BMPR2: variants seen among roughly 807,000 people sequenced by gnomAD.
BMPR2 encodes bone morphogenetic protein receptor type 2, also known as bone morphogenetic protein receptor type-2.
A neutral mutation model predicts 100.8 loss-of-function variants in BMPR2; 29 were observed. That is an observed-to-expected ratio of 0.29 (90% CI 0.21 to 0.39). The LOEUF (loss-of-function observed/expected upper bound fraction) is 0.39, where lower values mean the gene tolerates loss of function less well. BMPR2 is among the 10% of genes least tolerant of loss of function. BMPR2 has a pLI of 1.00. For synonymous variants in BMPR2, 382 were observed against 442.3 expected (o/e 0.86, Z 1.71); for missense variants, 1,011 against 1,274.5 (o/e 0.79, Z 3.15).
intron 3 of BMPR2, among the ~76,000 whole-genome samples, chr2:202,490,268 G>T (rs557531602): frequency 1.3e-5 from 2 of 152,072 alleles, no homozygotes; most frequent in African/African-American, 2.4e-5. Context: ...TTATAGGGAA[G>T]TGACAATTTT....
chr2:202,444,506 T>C (rs1691812233), intron 1 of BMPR2, among the ~76,000 whole-genome samples: 1 of 150,640 alleles, frequency 6.6e-6, no homozygotes, highest in Admixed American at 6.6e-5. Context: ...TTTTTTGTGT[T>C]GGTGTTGGTG....
At chr2:202,498,613 G>T (rs573009578) in intron 3 of BMPR2, among the ~76,000 whole-genome samples, 1 of 152,188 alleles carries the variant, frequency 6.6e-6, no homozygotes, top group African/African-American at 2.4e-5. Context: ...CCAAAACCAC[G>T]GGCGGTTTTG....
intron 3 of BMPR2, among the ~76,000 whole-genome samples, chr2:202,494,530 CTGTT>C (rs1692978482): frequency 6.6e-6 from 1 of 152,206 alleles, no homozygotes; most frequent in South Asian, 2.1e-4. Context: ...GGTTCCCTGT[CTGTT>C]CTGCATTCAG....
At chr2:202,384,076 G>A (rs1690364204) in intron 1 of BMPR2, among the ~76,000 whole-genome samples, 1 of 152,144 alleles carries the variant, frequency 6.6e-6, no homozygotes, top group Non-Finnish European at 1.5e-5. Flanking sequence ...GGAGGCTGAG[G>A]CAGGAGAATC....
At chr2:202,428,058 G>T (rs1385128647) in intron 1 of BMPR2, among the ~76,000 whole-genome samples, 3 of 151,988 alleles carry the variant, frequency 2.0e-5, no homozygotes, top group African/African-American at 7.3e-5. Flanking sequence ...TTACAGTTCC[G>T]CATTCAGTGT....
intron 10 of BMPR2, among the ~76,000 whole-genome samples, chr2:202,545,969 C>T (rs1299069997): frequency 6.6e-6 from 1 of 152,180 alleles, no homozygotes; most frequent in Non-Finnish European, 1.5e-5. Flanking sequence ...ACAACTTCAT[C>T]TTCCTTAAAT....
chr2:202,403,758 G>A (rs1690820817), intron 1 of BMPR2, among the ~76,000 whole-genome samples: 1 of 152,132 alleles, frequency 6.6e-6, no homozygotes, highest in African/African-American at 2.4e-5. Context: ...TATAATCCCA[G>A]CACTTTTGGA....
chr2:202,462,334 C>T (rs930179633), intron 1 of BMPR2, among the ~76,000 whole-genome samples: 3 of 151,422 alleles, frequency 2.0e-5, no homozygotes, highest in African/African-American at 7.3e-5. Context: ...GATTCTCCTG[C>T]CTCAGCCTTC....
At chr2:202,387,792 A>C (rs1690459890) in intron 1 of BMPR2, among the ~76,000 whole-genome samples, 1 of 152,170 alleles carries the variant, frequency 6.6e-6, no homozygotes, top group South Asian at 2.1e-4. Flanking sequence ...ATGTGTTCTT[A>C]GTGATTAAAA....
chr2:202,537,568 T>C (rs1345420474), intron 9 of BMPR2, among the ~76,000 whole-genome samples: 1 of 152,114 alleles, frequency 6.6e-6, no homozygotes, highest in African/African-American at 2.4e-5. Context: ...TTTGGGAAGA[T>C]AGAAACAGTT....
At chr2:202,464,746 G>T (rs1286329962) in intron 1 of BMPR2, 63 bp from the exon 2 acceptor site, 9 of 1,454,020 alleles carry the variant, frequency 6.2e-6, no homozygotes, top group Non-Finnish European at 8.4e-6. Context: ...ATAAGACAAA[G>T]ATTTTATATA....
rs1318938392 is a variant in BMPR2, at chr2:202,545,492, AAG to A, written c.1413+3046_1413+3047del. ...TTCTTGACTATAATAAAAGGACAAA[AAG>A]TGAAAAAATAAGCAACTTAAATTAT... is the stretch of plus-strand genomic sequence containing the variant. On this transcript the variant is annotated intron_variant, in intron 10 of 12. Transcript: ENST00000374580. Among the ~76,000 whole-genome samples, 7 of 152,306 alleles carry A rather than the reference AAG, an allele frequency of 4.6e-5. No homozygotes were observed. The East Asian group carries it at 1.4e-3, about 29-fold the overall frequency.
Position 202,399,829 on chromosome 2 carries a change from G to C in BMPR2, c.76+22279G>C, listed in dbSNP as rs80307290. 7.4e-3 allele frequency among the ~76,000 whole-genome samples: 1,128 copies of C among 152,300 alleles called. 6 individuals carry two copies. The highest frequency in any genetic ancestry group is 0.013 in the Non-Finnish European group (881 of 68,016). On this transcript the variant is annotated intron_variant, in intron 1 of 12. Transcript: ENST00000374580. ...CTTTGGATTTAGAGTGTATAGTTGAGTGCTGGGCTTGATGGCCAATGCCTA... is the reference window on the plus strand; with the variant it reads ...CTTTGGATTTAGAGTGTATAGTTGACTGCTGGGCTTGATGGCCAATGCCTA...
intron 1 of BMPR2, among the ~76,000 whole-genome samples, chr2:202,414,132 C>T (rs1691075207): frequency 6.6e-6 from 1 of 152,164 alleles, no homozygotes; most frequent in Admixed American, 6.5e-5. Context: ...ACAGCATGTG[C>T]TCTTTTCATG....
At chr2:202,388,232 A>G (rs1332084871) in intron 1 of BMPR2, among the ~76,000 whole-genome samples, 1 of 151,480 alleles carries the variant, frequency 6.6e-6, no homozygotes, top group African/African-American at 2.4e-5. Context: ...CCCTGTCTCT[A>G]CTGAAAATAC....
chr2:202,435,043 C>T (rs1260122806), intron 1 of BMPR2, among the ~76,000 whole-genome samples: 2 of 144,906 alleles, frequency 1.4e-5, no homozygotes, highest in South Asian at 2.2e-4. Context: ...GGTGAGACCC[C>T]TTCTCTTCAA....
At chr2:202,426,568 CAAAAAAAAAAAA>C (rs35528511) in intron 1 of BMPR2, among the ~76,000 whole-genome samples, 1 of 58,074 alleles carries the variant, frequency 1.7e-5, no homozygotes, top group Non-Finnish European at 3.1e-5. Flanking sequence ...GTCTCCGTCT[CAAAAAAAAAAAA>C]AAAAAAAAAA....
chr2:202,420,737 G>T lies in BMPR2; in HGVS notation c.76+43187G>T, dbSNP rs537418802. Among the ~76,000 whole-genome samples, 5 of 151,210 alleles carry T rather than the reference G, an allele frequency of 3.3e-5. No individual in the cohort carries two copies. In the South Asian group the frequency reaches 1.0e-3, roughly 31 times the overall value. ...AATTTTTGTAGTTTTAGTAGAGATG[G>T]GGTTTCACCATGTTGGCCAGGCTGG... On this transcript the variant is annotated intron_variant, in intron 1 of 12. Coordinates refer to ENST00000374580, the MANE Select transcript of BMPR2 (RefSeq NM_001204.7).
At chr2:202,412,719 G>T (rs1574434859) in intron 1 of BMPR2, among the ~76,000 whole-genome samples, 1 of 151,766 alleles carries the variant, frequency 6.6e-6, no homozygotes, top group African/African-American at 2.4e-5. Context: ...TTATAATCTG[G>T]GTCTAATAAA....
Sources: gnomAD v4.1 joint callset for allele counts (sites outside exome capture counted in the v4.1 genomes callset) on GRCh38, gnomAD v4.1.1 for gene constraint, MANE v1.5 for transcripts, NCBI Gene and HGNC (gene_info 2026-07-23, HGNC 2026-07-21) for gene names.